Variants in CDC42EP3 observed in about 807,000 individuals in gnomAD.
CDC42EP3 encodes the protein CDC42 effector protein (Rho GTPase binding) 3.
CDC42EP3 carries 4 observed loss-of-function variants against 15.5 expected under a neutral mutation model. The ratio of observed to expected loss-of-function variants is 0.26; its 90% CI spans 0.13 to 0.59. CDC42EP3 has a LOEUF of 0.59. Ranked by LOEUF, CDC42EP3 falls within the 20% of genes least tolerant of loss-of-function variation. CDC42EP3 has a pLI of 0.89. For synonymous variants in CDC42EP3, 145 were observed against 130.3 expected, an observed-to-expected ratio of 1.11 and a Z score of -0.77; for missense variants, 309 against 311.2, an observed-to-expected ratio of 0.99 and a Z score of 0.05.
At chr2:37,660,157 A>T (rs1352468005) in intron 1 of CDC42EP3, among the ~76,000 whole-genome samples, 1 of 152,242 alleles carries the variant, frequency 6.6e-6, no homozygotes, top group Non-Finnish European at 1.5e-5. Flanking sequence ...ACTGAAATAC[A>T]GAGTGGAGGG....
At chr2:37,669,798 C>T (rs1263423750) in intron 1 of CDC42EP3, among the ~76,000 whole-genome samples, 1 of 152,228 alleles carries the variant, frequency 6.6e-6, no homozygotes, top group African/African-American at 2.4e-5. Context: ...CATTGGGAAA[C>T]CCGCATTCTT....
At chr2:37,672,948 G>A (rs575112093), upstream of CDC42EP3, among the ~76,000 whole-genome samples, 26 of 152,368 alleles carry the variant, frequency 1.7e-4, no homozygotes, top group Admixed American at 4.6e-4. Context: ...TTAAGGTGAA[G>A]TGAAAAGGAA....
At position 37,642,618 on chromosome 2, in the gene CDC42EP3, T is replaced by A; in HGVS notation, c.*3205A>T. The A allele has an allele frequency of 6.6e-6, 1 of 152,210 alleles. No homozygotes were observed. Among genetic ancestry groups the A allele is most frequent in the East Asian group, 1.9e-4 (1 of 5,202 alleles). 9.4% of individuals were successfully genotyped at this position (152,210 alleles called of 1,614,324 possible). A position where few individuals can be genotyped will look rare whatever the true frequency, so the allele number is the denominator to read the frequency against. On this transcript the variant is annotated 3_prime_UTR_variant, in exon 2 of 2. Coordinates refer to ENST00000295324, the MANE Select transcript of CDC42EP3 (RefSeq NM_006449.5). Reference sequence around the variant, plus strand: ...TGTGTTTATATATTTCACAGTAAAATGATTCAGTCTTGCCAGGTTCCATAT... The same window carrying A: ...TGTGTTTATATATTTCACAGTAAAAAGATTCAGTCTTGCCAGGTTCCATAT...
chr2:37,650,336 T>C (rs1195668792), intron 1 of CDC42EP3, among the ~76,000 whole-genome samples: 2 of 152,216 alleles, frequency 1.3e-5, no homozygotes, highest in East Asian at 3.8e-4. Context: ...CTGGGCTCAC[T>C]GCTCTTTCAA....
rs1056537433 is a variant in CDC42EP3 at position 37,644,215 on chromosome 2, A to T, written c.*1608T>A. ...AGATGATAGAACTGCAAGAACCCCA[A>T]ACCCAAAGAAAGAATCGTTGAAGTG... On this transcript the variant is annotated 3_prime_UTR_variant, in exon 2 of 2. Transcript: ENST00000295324. 7 of 152,150 alleles carry T rather than the reference A, an allele frequency of 4.6e-5. No homozygotes were observed. Among genetic ancestry groups the T allele is most frequent in the African/African-American group, 1.4e-4 (6 of 41,436 alleles). The allele number at this position is 152,150 out of a possible 1,614,324, so 9.4% of individuals were successfully genotyped here.
rs1167067097 is a variant in CDC42EP3 at position 37,643,515 on chromosome 2, T to G, written c.*2308A>C. 2 of 152,192 alleles carry G rather than the reference T, an allele frequency of 1.3e-5. No homozygotes were observed. The highest frequency in any genetic ancestry group is 3.8e-4 in the East Asian group (2 of 5,198). 9.4% of individuals were successfully genotyped at this position (152,192 alleles called of 1,614,324 possible). A position where few individuals can be genotyped will look rare whatever the true frequency, so the allele number is the denominator to read the frequency against. On this transcript the variant is annotated 3_prime_UTR_variant, in exon 2 of 2. Transcript: ENST00000295324. ...CAGGATGTGTGATTAATATTTAGAA[T>G]CTATCAAACCCAGTACTGGCAGGGC...
intron 1 of CDC42EP3, among the ~76,000 whole-genome samples, chr2:37,662,588 C>T (rs939330172): frequency 5.9e-5 from 9 of 152,194 alleles, no homozygotes; most frequent in African/African-American, 2.2e-4. Context: ...GCTTTACTCC[C>T]TGCACCACCC....
At chr2:37,671,864 A>T (rs1666442474), upstream of CDC42EP3, 1 of 150,824 alleles carries the variant, frequency 6.6e-6, no homozygotes, top group African/African-American at 2.5e-5. Flanking sequence ...ATGGGCGCCC[A>T]TTGTTACCTC....
At chr2:37,665,200 C>A (rs1387471052) in intron 1 of CDC42EP3, among the ~76,000 whole-genome samples, 1 of 152,034 alleles carries the variant, frequency 6.6e-6, no homozygotes, top group Admixed American at 6.6e-5. Flanking sequence ...TATGGAAATG[C>A]CTCTGATACA....
At chr2:37,669,141 T>A (rs1462392422) in intron 1 of CDC42EP3, among the ~76,000 whole-genome samples, 1 of 151,932 alleles carries the variant, frequency 6.6e-6, no homozygotes, top group Non-Finnish European at 1.5e-5. Context: ...AGCAGTCTTC[T>A]TGGAGGTTTT....
chr2:37,648,694 G>A (rs1289208391), intron 1 of CDC42EP3, among the ~76,000 whole-genome samples: 1 of 152,234 alleles, frequency 6.6e-6, no homozygotes, highest in African/African-American at 2.4e-5. Flanking sequence ...CCTGACACTC[G>A]TTCTCATAGT....
intron 1 of CDC42EP3, among the ~76,000 whole-genome samples, chr2:37,651,409 G>A (rs1223762861): frequency 6.6e-6 from 1 of 152,178 alleles, no homozygotes; most frequent in East Asian, 1.9e-4. Context: ...ATACATGGCT[G>A]TTAGGTCCTG....
In CDC42EP3 at chr2:37,646,366, G is replaced by A. The variant is rs1247870774; in HGVS notation, c.222C>T (p.His74=). ...CATTATGCCCAGGGAACTGGCCCAG[G>A]TGTGCTTTCTCCTGGTTTCCAGGTA... is the stretch of plus-strand genomic sequence containing the variant. ...ELLPGNQEKA[H]LGQFPGHNEF... is the part of the protein sequence containing the mutation. Residue 74 remains histidine (H), a synonymous_variant, in exon 2 of 2, where the codon CAC becomes CAT. Coordinates refer to ENST00000295324, the MANE Select transcript of CDC42EP3 (RefSeq NM_006449.5). The A allele has an allele frequency of 2.5e-6, 4 of 1,614,022 alleles. No homozygotes were observed. The highest frequency in any genetic ancestry group is 3.4e-6 in the Non-Finnish European group (4 of 1,179,980).
chr2:37,646,361 C>T lies in CDC42EP3; in HGVS notation c.227G>A (p.Gly76Asp). 1 of 1,613,860 alleles carries T rather than the reference C, an allele frequency of 6.2e-7. No homozygotes were observed. The highest frequency in any genetic ancestry group is 8.5e-7 in the Non-Finnish European group (1 of 1,179,892). ...LPGNQEKAHL[G>D]QFPGHNEFFR... ...GAACTCATTATGCCCAGGGAACTGG[C>T]CCAGGTGTGCTTTCTCCTGGTTTCC... Residue 76 changes from glycine (G) to aspartate (D), a missense_variant, in exon 2 of 2, where the codon GGC (glycine) becomes GAC (aspartate). Gly to Asp is a moderately conservative substitution (Grantham distance 94, BLOSUM62 -1). Transcript: ENST00000295324.
upstream of CDC42EP3, chr2:37,672,148 G>C (rs1256758017): frequency 6.6e-6 from 1 of 150,756 alleles, no homozygotes; most frequent in Non-Finnish European, 1.5e-5. Flanking sequence ...GCGCCGCCCC[G>C]GCCAGGCCGC....
At position 37,646,531 on chromosome 2, in the gene CDC42EP3, T is replaced by C. The variant is rs376102850; in HGVS notation, c.57A>G (p.Lys19=). 14 of 1,572,250 alleles carry C rather than the reference T, an allele frequency of 8.9e-6. No individual in the cohort carries two copies. Among genetic ancestry groups the C allele is most frequent in the Non-Finnish European group, 1.1e-5 (13 of 1,162,794 alleles). The change falls in exon 2 of 2, where the codon AAA becomes AAG. Residue 19 remains lysine (K), a synonymous_variant. Transcript: ENST00000295324. The stretch of plus-strand genomic sequence containing the variant: ...GAGACAGAATGTCCCTCAGTTTAAA[T>C]TTCTTTCCTTTCTTGTTATTGGCTG... ...LKAANNKKGK[K]FKLRDILSPD...
chr2:37,663,344 G>C (rs1666139133), intron 1 of CDC42EP3, among the ~76,000 whole-genome samples: 1 of 152,238 alleles, frequency 6.6e-6, no homozygotes, highest in South Asian at 2.1e-4. Flanking sequence ...ACTGTGGAGA[G>C]ACTGACGCTA....
rs777052885 is a variant in CDC42EP3 at position 37,646,695 on chromosome 2, C to A, written c.-108G>T. ...TGATAGGAACTGTCACATCATTTTT[C>A]TCAAGTGGCTTCAGAAGTGGCTTCG... On this transcript the variant is annotated 5_prime_UTR_variant, in exon 2 of 2. Coordinates refer to ENST00000295324, the MANE Select transcript of CDC42EP3 (RefSeq NM_006449.5). 8 of 1,130,010 alleles carry A rather than the reference C, an allele frequency of 7.1e-6. No homozygotes were observed. Among genetic ancestry groups the A allele is most frequent in the Non-Finnish European group, 1.0e-5 (8 of 794,252 alleles). 70.0% of individuals were successfully genotyped at this position (1,130,010 alleles called of 1,614,324 possible). A position where few individuals can be genotyped will look rare whatever the true frequency, so the allele number is the denominator to read the frequency against.
chr2:37,672,753 TG>T (rs1448328474), upstream of CDC42EP3, among the ~76,000 whole-genome samples: 1 of 152,084 alleles, frequency 6.6e-6, no homozygotes, highest in East Asian at 1.9e-4. Flanking sequence ...AGTCGGACGC[TG>T]GGGGCCTGGC....
Sources: gnomAD v4.1 joint callset for allele counts (sites outside exome capture counted in the v4.1 genomes callset) on GRCh38, gnomAD v4.1.1 for gene constraint, MANE v1.5 for transcripts, NCBI Gene and HGNC (gene_info 2026-07-23, HGNC 2026-07-21) for gene names.